The following CLN6 variants were observed in gnomAD, a reference collection of about 807,000 sequenced individuals.
The protein encoded by CLN6 is CLN6 transmembrane ER protein.
CLN6 carries 22 observed loss-of-function variants against 33.3 expected under a neutral mutation model. That is an observed-to-expected ratio of 0.66 (90% confidence interval 0.47 to 0.94). CLN6 has a LOEUF of 0.94. Ranked by LOEUF, CLN6 falls within the 40% of genes least tolerant of loss-of-function variation. The pLI is 0.00. For synonymous variants in CLN6, 201 were observed against 174.6 expected (o/e 1.15, Z -1.19); for missense variants, 387 against 417.1 (o/e 0.93, Z 0.63).
At chr15:68,233,455 C>T (rs886796573), upstream of CLN6, among the ~76,000 whole-genome samples, 4 of 152,276 alleles carry the variant, frequency 2.6e-5, no homozygotes, top group East Asian at 3.9e-4. The surrounding 1 kb of genome is among the most constrained non-coding windows in gnomAD (Gnocchi z 4.3). Flanking sequence ...TCTGCAGCTG[C>T]GGAAAATGAA....
At chr15:68,217,686 C>T (rs1022473755) in intron 2 of CLN6, among the ~76,000 whole-genome samples, 5 of 152,106 alleles carry the variant, frequency 3.3e-5, no homozygotes, top group African/African-American at 1.2e-4. Flanking sequence ...GGCCTGGATG[C>T]CTTCATATCT....
In CLN6 at chr15:68,246,114, C is replaced by T. The variant is rs1457551874; in HGVS notation, c.179+10576G>A. On this transcript the variant is annotated intron_variant, in intron 1 of 6. Coordinates refer to the CLN6 transcript ENST00000538696. This position sits in a 1 kb window ranked among gnomAD's most constrained non-coding sequence, Gnocchi z 4.5. ...GGCAGAGATAGACTGTAATACAATACAGTAGGGGACTTCAACACCCCACTT... is the reference window on the plus strand; with the variant it reads ...GGCAGAGATAGACTGTAATACAATATAGTAGGGGACTTCAACACCCCACTT... Among the ~76,000 whole-genome samples the T allele has an allele frequency of 6.6e-6, 1 of 152,058 alleles. No individual in the cohort carries two copies. The highest frequency in any genetic ancestry group is 1.5e-5 in the Non-Finnish European group (1 of 68,008).
chr15:68,219,473 T>C lies in CLN6; in HGVS notation c.84-823A>G, dbSNP rs1352007528. Among the ~76,000 whole-genome samples, 3 of 152,322 alleles carry C rather than the reference T, an allele frequency of 2.0e-5. No individual in the cohort carries two copies. The East Asian group carries it at 5.8e-4, about 29-fold the overall frequency. On this transcript the variant is annotated intron_variant, in intron 1 of 6. Transcript: ENST00000249806. The surrounding 1 kb of genome is among the most constrained non-coding windows in gnomAD (Gnocchi z 4.2). The stretch of plus-strand genomic sequence containing the variant: ...AGAGACACAGCAGGAAGTGGAGTAC[T>C]GCCTCACGATACATCTTTGGAGGCC...
intron 1 of CLN6, among the ~76,000 whole-genome samples, chr15:68,235,189 C>T (rs914673030): frequency 1.3e-5 from 2 of 152,114 alleles, no homozygotes; most frequent in Non-Finnish European, 2.9e-5. Flanking sequence ...GATGAGTTAA[C>T]TCAGGTACAA....
intron 3 of CLN6, chr15:68,213,063 G>A (rs2093210635): frequency 6.6e-6 from 1 of 151,844 alleles, no homozygotes; most frequent in Admixed American, 6.6e-5. Flanking sequence ...GGGACTGCAG[G>A]CGCACACCAC....
chr15:68,226,943 G>C (rs1185779571), intron 1 of CLN6, among the ~76,000 whole-genome samples: 2 of 152,202 alleles, frequency 1.3e-5, no homozygotes, highest in Non-Finnish European at 2.9e-5. Context: ...TGGTGCTAGG[G>C]AAGAGTGGGA....
At chr15:68,221,316 CCCTGCCTCGGGCTCCCGTGATTCT>C (rs903185792) in intron 1 of CLN6, among the ~76,000 whole-genome samples, 1 of 151,028 alleles carries the variant, frequency 6.6e-6, no homozygotes, top group Admixed American at 6.6e-5. Flanking sequence ...CCTGCAACCT[CCCTGCCTCGGGCTCCCGTGATTCT>C]CCTGCCTCGG....
chr15:68,237,027 G>T (rs1439233571), intron 1 of CLN6, among the ~76,000 whole-genome samples: 1 of 151,168 alleles, frequency 6.6e-6, no homozygotes, highest in Non-Finnish European at 1.5e-5. Flanking sequence ...CGCGGTGGCG[G>T]GCGCCTGTAG....
rs1240330216 is a variant in CLN6 at position 68,236,197 on chromosome 15, G to A, written c.180-17547C>T. ...CACAGCCCCTTTGGAAAATAGTCCA[G>A]CAGGTCCTCAAACTGTTAAATACAG... On this transcript the variant is annotated intron_variant, in intron 1 of 6. Transcript: ENST00000538696. This position sits in a 1 kb window ranked among gnomAD's most constrained non-coding sequence, Gnocchi z 4.5. 6.6e-6 allele frequency among the ~76,000 whole-genome samples: 1 copy of A among 152,164 alleles called. No individual in the cohort carries two copies. The highest frequency in any genetic ancestry group is 1.5e-5 in the Non-Finnish European group (1 of 68,032).
In CLN6 at chr15:68,207,667, GA is replaced by G; in HGVS notation, c.*472del. 4.5e-6 allele frequency: 1 copy of G among 222,946 alleles called. No individual in the cohort carries two copies. Among genetic ancestry groups the G allele is most frequent in the Non-Finnish European group, 9.0e-6 (1 of 110,542 alleles). 13.8% of individuals were successfully genotyped at this position (222,946 alleles called of 1,614,324 possible). On this transcript the variant is annotated 3_prime_UTR_variant, in exon 7 of 7. Transcript: ENST00000249806. ...CTTTGCTCAACAGCCACAGTAGGCT[GA>G]CGTAACCTATGTAATGTAGGGTCAG...
intron 1 of CLN6, among the ~76,000 whole-genome samples, chr15:68,248,994 T>C (rs759865401): frequency 7.9e-5 from 12 of 151,970 alleles, no homozygotes; most frequent in Non-Finnish European, 1.5e-4. Flanking sequence ...AACAAAAAAA[T>C]TCAATTAAAA....
At chr15:68,248,120 C>T (rs187915071) in intron 1 of CLN6, among the ~76,000 whole-genome samples, 2 of 151,810 alleles carry the variant, frequency 1.3e-5, no homozygotes, top group East Asian at 3.9e-4. Context: ...TAGCATGTTA[C>T]TGACATAAAA....
chr15:68,256,610 A>T lies in CLN6; in HGVS notation c.179+80T>A, dbSNP rs898581589. The T allele has an allele frequency of 1.7e-6, 1 of 583,616 alleles. No individual in the cohort carries two copies. Among genetic ancestry groups the T allele is most frequent in the African/African-American group, 1.9e-5 (1 of 53,586 alleles). The allele number at this position is 583,616 out of a possible 1,614,324, so 36.2% of individuals were successfully genotyped here. A position where few individuals can be genotyped will look rare whatever the true frequency, so the allele number is the denominator to read the frequency against. On this transcript the variant is annotated intron_variant, in intron 1 of 6. Coordinates refer to the CLN6 transcript ENST00000538696. The surrounding 1 kb of genome is among the most constrained non-coding windows in gnomAD (Gnocchi z 4.1). ...CGTGGCTGGCTTCAGGGGTGTGGGC[A>T]GTGCAGTCGCACAGGGCCCCACGTT...
intron 1 of CLN6, among the ~76,000 whole-genome samples, chr15:68,223,699 C>G (rs2093244084): frequency 6.6e-6 from 1 of 150,950 alleles, no homozygotes; most frequent in Non-Finnish European, 1.5e-5. Context: ...GCACCTTGGT[C>G]AATGAGAATC....
intron 1 of CLN6, among the ~76,000 whole-genome samples, chr15:68,225,487 T>C (rs2093249146): frequency 1.3e-5 from 2 of 152,104 alleles, no homozygotes. Flanking sequence ...TATCATCTTT[T>C]TATTTTAGTT....
At chr15:68,222,217 C>T (rs1438863222) in intron 1 of CLN6, among the ~76,000 whole-genome samples, 3 of 147,140 alleles carry the variant, frequency 2.0e-5, no homozygotes, top group East Asian at 4.2e-4. Context: ...CCAGCCGCCC[C>T]GTCTGGGAGG....
chr15:68,229,615 T>C lies in CLN6; in HGVS notation c.-31A>G, dbSNP rs1183086430. ...CCCCGCAGGCCCCTCGGCCCTGCCTTTCCGAGGAAGAGACCGGTTCAGCTC... is the reference window on the plus strand; with the variant it reads ...CCCCGCAGGCCCCTCGGCCCTGCCTCTCCGAGGAAGAGACCGGTTCAGCTC... On this transcript the variant is annotated 5_prime_UTR_variant, in exon 1 of 7. Coordinates refer to ENST00000249806, the MANE Select transcript of CLN6 (RefSeq NM_017882.3). 1.4e-6 allele frequency: 2 copies of C among 1,443,028 alleles called. No homozygotes were observed. Among genetic ancestry groups the C allele is most frequent in the Non-Finnish European group, 1.8e-6 (2 of 1,098,456 alleles). 89.4% of individuals were successfully genotyped at this position (1,443,028 alleles called of 1,614,324 possible). A position where few individuals can be genotyped will look rare whatever the true frequency, so the allele number is the denominator to read the frequency against.
chr15:68,207,846 G>A lies in CLN6; in HGVS notation c.*294C>T. ...GTAGGGAGTGTGGTCAGGTGCAGAG[G>A]AGGGCAGGGGCCCGGATCCTGGCCC... is the stretch of plus-strand genomic sequence containing the variant. On this transcript the variant is annotated 3_prime_UTR_variant, in exon 7 of 7. Coordinates refer to ENST00000249806, the MANE Select transcript of CLN6 (RefSeq NM_017882.3). The A allele has an allele frequency of 2.2e-6, 1 of 459,604 alleles. No individual in the cohort carries two copies. Among genetic ancestry groups the A allele is most frequent in the East Asian group, 4.3e-5 (1 of 23,132 alleles). 28.5% of individuals were successfully genotyped at this position (459,604 alleles called of 1,614,324 possible).
intron 1 of CLN6, among the ~76,000 whole-genome samples, chr15:68,245,703 A>C (rs1458737906): frequency 6.6e-6 from 1 of 152,222 alleles, no homozygotes; most frequent in Non-Finnish European, 1.5e-5. Flanking sequence ...TGGAGAATTC[A>C]GTCAATTCTC....
Sources: gnomAD v4.1 joint callset for allele counts (sites outside exome capture counted in the v4.1 genomes callset) on GRCh38, gnomAD v4.1.1 for gene constraint, Gnocchi (gnomAD v3.1) non-coding constraint, MANE v1.5 for transcripts, NCBI Gene and HGNC (gene_info 2026-07-23, HGNC 2026-07-21) for gene names.